GNA13: variants seen among roughly 807,000 people sequenced by gnomAD.
The protein encoded by GNA13 is G protein subunit alpha 13, also known as guanine nucleotide-binding protein subunit alpha-13.
A neutral mutation model predicts 33.5 loss-of-function variants in GNA13; 4 were observed. That is an observed-to-expected ratio of 0.12 (90% CI 0.06 to 0.27). The LOEUF is 0.27. Ranked by LOEUF, GNA13 falls within the 10% of genes least tolerant of loss-of-function variation. GNA13 has a pLI of 1.00. For synonymous variants in GNA13, 176 were observed against 183.8 expected, an observed-to-expected ratio of 0.96 and a Z score of 0.34; for missense variants, 319 against 487.2, an observed-to-expected ratio of 0.65 and a Z score of 3.25.
At chr17:65,018,092 T>TAAAAAAAAAAAAAAA (rs767082596) in intron 3 of GNA13, among the ~76,000 whole-genome samples, 161 bp downstream of exon 3, 1 of 21,510 alleles carries the variant, frequency 4.6e-5, no homozygotes, top group African/African-American at 1.4e-4. Context: ...ACGCCACCAC[T>TAAAAAAAAAAAAAAA]AAAAAAAAAA....
intron 2 of GNA13, among the ~76,000 whole-genome samples, chr17:65,039,963 T>A (rs531117039): frequency 6.6e-6 from 1 of 152,230 alleles, no homozygotes; most frequent in Non-Finnish European, 1.5e-5. Context: ...TGTCTCCTCA[T>A]CACTTTTTGC....
At chr17:65,024,302 T>G (rs185650781) in intron 2 of GNA13, among the ~76,000 whole-genome samples, 42 of 152,314 alleles carry the variant, frequency 2.8e-4, no homozygotes, top group African/African-American at 9.6e-4. Flanking sequence ...GAAAATATAT[T>G]TTCAAGGATG....
At chr17:65,022,485 T>C (rs1427597381) in intron 2 of GNA13, among the ~76,000 whole-genome samples, 12 of 151,852 alleles carry the variant, frequency 7.9e-5, no homozygotes, top group Non-Finnish European at 1.2e-4. Context: ...CACAGTAGGA[T>C]GTAAATAATT....
At chr17:65,052,606 C>T (rs1907896092) in intron 2 of GNA13, among the ~76,000 whole-genome samples, 1 of 152,260 alleles carries the variant, frequency 6.6e-6, no homozygotes, top group Non-Finnish European at 1.5e-5. Context: ...ACAGCATTCA[C>T]AGTTAAATTA....
At chr17:65,019,443 T>C (rs1906503604) in intron 2 of GNA13, among the ~76,000 whole-genome samples, 1 of 151,994 alleles carries the variant, frequency 6.6e-6, no homozygotes, top group Admixed American at 6.6e-5. Context: ...GATGAATGGG[T>C]AAAGAAAATG....
intron 2 of GNA13, among the ~76,000 whole-genome samples, chr17:65,030,084 T>A (rs1352083816): frequency 6.6e-6 from 1 of 152,200 alleles, no homozygotes; most frequent in Non-Finnish European, 1.5e-5. Context: ...TCCTACTCCA[T>A]GTAAGTAACC....
At chr17:65,023,857 G>A (rs1215042127) in intron 2 of GNA13, among the ~76,000 whole-genome samples, 6 of 152,208 alleles carry the variant, frequency 3.9e-5, no homozygotes. Flanking sequence ...TAACCTTCAA[G>A]TGGTTAATCT....
intron 2 of GNA13, among the ~76,000 whole-genome samples, chr17:65,033,501 A>T (rs973070315): frequency 6.9e-5 from 10 of 145,802 alleles, no homozygotes; most frequent in South Asian, 2.1e-4. Flanking sequence ...AAAAATAATT[A>T]AAAAAAAAAA....
At chr17:65,047,140 G>T (rs1396097544) in intron 2 of GNA13, among the ~76,000 whole-genome samples, 1 of 152,108 alleles carries the variant, frequency 6.6e-6, no homozygotes, top group African/African-American at 2.4e-5. Context: ...TAAACATAAA[G>T]CTCTGGGTTT....
chr17:65,042,418 C>T (rs182430521), intron 2 of GNA13, among the ~76,000 whole-genome samples: 12 of 149,894 alleles, frequency 8.0e-5, no homozygotes, highest in Admixed American at 4.7e-4. Flanking sequence ...TCAAGCAAAG[C>T]GGTATCACTA....
In GNA13 at chr17:65,011,267, G is replaced by T. The variant is rs1906178736; in HGVS notation, c.*2990C>A. ...TTCCCTAAACAGCCTCAATTTGAGA[G>T]ACTAACCAGAGGACCTTCTCTATGC... On this transcript the variant is annotated 3_prime_UTR_variant, in exon 4 of 4. Transcript: ENST00000439174. 1 of 199,252 alleles carries T rather than the reference G, an allele frequency of 5.0e-6. No homozygotes were observed. The allele number at this position is 199,252 out of a possible 1,614,324, so 12.3% of individuals were successfully genotyped here.
At chr17:65,044,235 T>C (rs1307251046) in intron 2 of GNA13, among the ~76,000 whole-genome samples, 2 of 152,190 alleles carry the variant, frequency 1.3e-5, no homozygotes, top group African/African-American at 4.8e-5. Flanking sequence ...GATTGGTACT[T>C]TGGCCAAGTG....
chr17:65,056,487 T>C lies in GNA13; in HGVS notation c.107A>G (p.Lys36Arg). 2 of 1,613,558 alleles carry C rather than the reference T, an allele frequency of 1.2e-6. No homozygotes were observed. Among genetic ancestry groups the C allele is most frequent in the East Asian group, 4.5e-5 (2 of 44,798 alleles). The change falls in exon 1 of 4, where the codon AAA (lysine) becomes AGA (arginine). Residue 36 changes from lysine (K) to arginine (R), a missense_variant. Lys to Arg is a conservative substitution (Grantham distance 26). Coordinates refer to ENST00000439174, the MANE Select transcript of GNA13 (RefSeq NM_006572.6). ...ATAGGTCTTTTCCCGAGACAGGCATTTGTCGATCTCCTTGGACTTGCGTTG... is the reference window on the plus strand; with the variant it reads ...ATAGGTCTTTTCCCGAGACAGGCATCTGTCGATCTCCTTGGACTTGCGTTG... ...EQQRKSKEID[K>R]CLSREKTYVK...
intron 1 of GNA13, 43 bp downstream of exon 1, chr17:65,056,268 C>T (rs1344731825): frequency 3.8e-6 from 5 of 1,311,710 alleles, no homozygotes; most frequent in Middle Eastern, 2.6e-4. Flanking sequence ...GCCGCCCCAG[C>T]CCCCCTGCCC....
intron 1 of GNA13, among the ~76,000 whole-genome samples, chr17:65,055,981 C>T (rs1301829218): frequency 6.6e-6 from 1 of 152,154 alleles, no homozygotes; most frequent in African/African-American, 2.4e-5. Flanking sequence ...GAGGTCTGCC[C>T]ACACCCCGAG....
chr17:65,051,746 G>A (rs1470517878), intron 2 of GNA13, among the ~76,000 whole-genome samples: 1 of 152,162 alleles, frequency 6.6e-6, no homozygotes, highest in East Asian at 1.9e-4. Flanking sequence ...AGAAATCTGG[G>A]AATTGGATGG....
intron 2 of GNA13, among the ~76,000 whole-genome samples, chr17:65,022,167 T>G (rs1906605292): frequency 2.0e-5 from 3 of 152,076 alleles, no homozygotes; most frequent in African/African-American, 4.8e-5. Context: ...TGATATGAAA[T>G]TCGAACTTCA....
intron 1 of GNA13, among the ~76,000 whole-genome samples, 158 bp downstream of exon 1, chr17:65,056,153 G>A (rs1908045871): frequency 6.6e-6 from 1 of 151,844 alleles, no homozygotes; most frequent in Non-Finnish European, 1.5e-5. Flanking sequence ...CGGGCGGGCA[G>A]GGCCAGTTGC....
rs985044199 is a variant in GNA13 at position 65,013,151 on chromosome 17, C to T, written c.*1106G>A. On this transcript the variant is annotated 3_prime_UTR_variant, in exon 4 of 4. Transcript: ENST00000439174. ...GTATACATACTGTATCTGTTAGAGACACACCAAGAATGAACAGGAATCTCA... is the reference window on the plus strand; with the variant it reads ...GTATACATACTGTATCTGTTAGAGATACACCAAGAATGAACAGGAATCTCA... The T allele has an allele frequency of 4.9e-6, 1 of 202,084 alleles. No homozygotes were observed. The highest frequency in any genetic ancestry group is 1.0e-5 in the Non-Finnish European group (1 of 98,298). 12.5% of individuals were successfully genotyped at this position (202,084 alleles called of 1,614,324 possible).
Sources: gnomAD v4.1 joint callset for allele counts (sites outside exome capture counted in the v4.1 genomes callset) on GRCh38, gnomAD v4.1.1 for gene constraint, MANE v1.5 for transcripts, NCBI Gene and HGNC (gene_info 2026-07-23, HGNC 2026-07-21) for gene names.